The following NR2F1-AS1 variants were observed in gnomAD, a reference collection of about 807,000 sequenced individuals.
NR2F1-AS1 encodes the protein NR2F1 antisense RNA 1.
intron 4 of NR2F1-AS1, among the ~76,000 whole-genome samples, chr5:93,505,675 C>T (rs1751171069): frequency 1.3e-5 from 2 of 152,340 alleles, no homozygotes; most frequent in Admixed American, 1.3e-4. Context: ...ACAGCCCAAG[C>T]TTTACATTGG....
chr5:93,437,961 T>C (rs566257723), intron 4 of NR2F1-AS1, among the ~76,000 whole-genome samples: 2 of 152,312 alleles, frequency 1.3e-5, no homozygotes, highest in South Asian at 2.1e-4. Flanking sequence ...TTGTCCATGG[T>C]GTTTTTATTT....
intron 4 of NR2F1-AS1, chr5:93,544,941 A>G (rs1202582498): frequency 6.8e-6 from 1 of 147,634 alleles, no homozygotes; most frequent in Non-Finnish European, 1.5e-5. Flanking sequence ...AAAAAAAAAG[A>G]GTTATTCTGT....
chr5:93,431,471 G>A (rs963827278), intron 4 of NR2F1-AS1, among the ~76,000 whole-genome samples: 1 of 152,154 alleles, frequency 6.6e-6, no homozygotes, highest in Admixed American at 6.5e-5. Context: ...CAGTTTGATT[G>A]CAGTAAAACA....
At chr5:93,416,130 G>A (rs1036576920) in intron 4 of NR2F1-AS1, among the ~76,000 whole-genome samples, 1 of 152,152 alleles carries the variant, frequency 6.6e-6, no homozygotes, top group Non-Finnish European at 1.5e-5. Flanking sequence ...TTATGAAACA[G>A]GGGAAACAAG....
At chr5:93,415,536 G>A (rs1042811805) in intron 4 of NR2F1-AS1, among the ~76,000 whole-genome samples, 1 of 152,120 alleles carries the variant, frequency 6.6e-6, no homozygotes, top group Non-Finnish European at 1.5e-5. Flanking sequence ...TAGAAAACAT[G>A]GTTTGACAAA....
intron 4 of NR2F1-AS1, among the ~76,000 whole-genome samples, chr5:93,495,720 C>A (rs1035666424): frequency 6.6e-6 from 1 of 151,908 alleles, no homozygotes; most frequent in Admixed American, 6.6e-5. Flanking sequence ...TATATACAAA[C>A]ATGATTTGTA....
At chr5:93,575,073 C>T (rs1413035228) in intron 1 of NR2F1-AS1, among the ~76,000 whole-genome samples, 1 of 152,228 alleles carries the variant, frequency 6.6e-6, no homozygotes, top group Non-Finnish European at 1.5e-5. Flanking sequence ...CGATCTGGAG[C>T]CAGAGGAAGA....
intron 4 of NR2F1-AS1, among the ~76,000 whole-genome samples, chr5:93,497,278 G>C (rs975636228): frequency 1.3e-5 from 2 of 152,154 alleles, no homozygotes; most frequent in African/African-American, 2.4e-5. Context: ...GAGAGCAATG[G>C]AGATATTACG....
intron 4 of NR2F1-AS1, among the ~76,000 whole-genome samples, chr5:93,493,261 A>G (rs556905596): frequency 6.6e-6 from 1 of 152,222 alleles, no homozygotes; most frequent in African/African-American, 2.4e-5. Context: ...CAAACTGAAA[A>G]GGAAATTAAA....
chr5:93,551,459 A>G (rs1015664816), intron 4 of NR2F1-AS1, among the ~76,000 whole-genome samples: 1 of 152,116 alleles, frequency 6.6e-6, no homozygotes, highest in Non-Finnish European at 1.5e-5. Flanking sequence ...AGCCTGACAT[A>G]TTACTAAAGG....
intron 4 of NR2F1-AS1, among the ~76,000 whole-genome samples, chr5:93,464,458 C>A (rs949182875): frequency 6.6e-6 from 1 of 151,982 alleles, no homozygotes; most frequent in East Asian, 1.9e-4. Context: ...TTTCAATTAC[C>A]CTTCTAATAT....
At chr5:93,462,151 C>T (rs1237096130) in intron 4 of NR2F1-AS1, among the ~76,000 whole-genome samples, 1 of 152,064 alleles carries the variant, frequency 6.6e-6, no homozygotes, top group East Asian at 1.9e-4. Context: ...GGCTGTGTCC[C>T]CACCCAAATC....
chr5:93,456,540 G>T (rs972265708), intron 4 of NR2F1-AS1, among the ~76,000 whole-genome samples: 1 of 152,070 alleles, frequency 6.6e-6, no homozygotes, highest in Admixed American at 6.6e-5. Context: ...CTATAGATTT[G>T]ATACCATTCC....
chr5:93,482,752 C>G (rs1417745857), intron 4 of NR2F1-AS1, among the ~76,000 whole-genome samples: 1 of 152,178 alleles, frequency 6.6e-6, no homozygotes, highest in African/African-American at 2.4e-5. Flanking sequence ...CTGGGACGCT[C>G]TAGCTTGGTG....
chr5:93,426,248 AT>A (rs895635888), intron 4 of NR2F1-AS1, among the ~76,000 whole-genome samples: 1 of 150,164 alleles, frequency 6.7e-6, no homozygotes, highest in Non-Finnish European at 1.5e-5. Context: ...GGGTTTCACC[AT>A]GTTGGCCAGG....
intron 4 of NR2F1-AS1, among the ~76,000 whole-genome samples, chr5:93,489,748 C>T (rs1244578199): frequency 6.6e-6 from 1 of 152,118 alleles, no homozygotes; most frequent in Non-Finnish European, 1.5e-5. Context: ...AATCCTGTCT[C>T]AAGTACATGT....
chr5:93,419,293 G>A (rs1222896725), intron 4 of NR2F1-AS1, among the ~76,000 whole-genome samples: 1 of 152,168 alleles, frequency 6.6e-6, no homozygotes, highest in Non-Finnish European at 1.5e-5. Flanking sequence ...TGTATATACA[G>A]AAATATATGT....
intron 4 of NR2F1-AS1, among the ~76,000 whole-genome samples, chr5:93,449,390 T>C (rs1749782639): frequency 6.6e-6 from 1 of 152,158 alleles, no homozygotes; most frequent in Admixed American, 6.5e-5. Flanking sequence ...AAGGCCTGGA[T>C]ACAGCAACAA....
chr5:93,514,157 A>G (rs1418954951), intron 4 of NR2F1-AS1, among the ~76,000 whole-genome samples: 1 of 152,110 alleles, frequency 6.6e-6, no homozygotes, highest in Non-Finnish European at 1.5e-5. Flanking sequence ...TGTTAAATAC[A>G]GGACTACTTA....
Sources: allele counts gnomAD v4.1 joint callset (sites outside exome capture counted in the v4.1 genomes callset), GRCh38; gene constraint gnomAD v4.1.1; transcripts MANE v1.5; gene names NCBI Gene and HGNC (gene_info 2026-07-23, HGNC 2026-07-21).